SPOCK3: variants seen among roughly 807,000 people sequenced by gnomAD.
SPOCK3 encodes the protein SPARC (osteonectin), cwcv and kazal like domains proteoglycan 3.
A neutral mutation model predicts 56.6 loss-of-function variants in SPOCK3; 30 were observed. The observed-to-expected ratio is 0.53, with a 90% CI of 0.40 to 0.72. The LOEUF is 0.72. Ranked by LOEUF, SPOCK3 falls within the 30% of genes least tolerant of loss-of-function variation. SPOCK3 has a pLI of 0.00. For synonymous variants in SPOCK3, 196 were observed against 183.3 expected, an observed-to-expected ratio of 1.07 and a Z score of -0.56; for missense variants, 527 against 530.0, an observed-to-expected ratio of 0.99 and a Z score of 0.06.
chr4:166,867,255 A>G (rs1015130178), intron 6 of SPOCK3, among the ~76,000 whole-genome samples: 1 of 152,042 alleles, frequency 6.6e-6, no homozygotes, highest in Non-Finnish European at 1.5e-5. Flanking sequence ...AATAATAACT[A>G]TAAAGATAAT....
At chr4:167,187,276 T>G (rs1305907317) in intron 2 of SPOCK3, among the ~76,000 whole-genome samples, 2 of 151,806 alleles carry the variant, frequency 1.3e-5, no homozygotes, top group African/African-American at 2.4e-5. Flanking sequence ...TCCAGTTTTT[T>G]TTTTTTTTTC....
chr4:166,809,705 T>A (rs969417778), intron 6 of SPOCK3, among the ~76,000 whole-genome samples: 2 of 152,020 alleles, frequency 1.3e-5, no homozygotes, highest in Non-Finnish European at 2.9e-5. Flanking sequence ...ACTGACATAA[T>A]ATGAGATAAA....
chr4:166,950,580 A>C (rs1385866643), intron 4 of SPOCK3, among the ~76,000 whole-genome samples: 4 of 151,724 alleles, frequency 2.6e-5, no homozygotes, highest in East Asian at 3.9e-4. Context: ...CTGCACCAAG[A>C]GGACCTAATA....
In SPOCK3 at chr4:167,036,142, T is replaced by C. The variant is rs72635173; in HGVS notation, c.235+26350A>G. On this transcript the variant is annotated intron_variant, in intron 3 of 10. Transcript: ENST00000357545. ...ATCTCCCTACTCATTTAGTTACCCATTGATAGAAGGAAATATTCCTAATGA... is the reference window on the plus strand; with the variant it reads ...ATCTCCCTACTCATTTAGTTACCCACTGATAGAAGGAAATATTCCTAATGA... Among the ~76,000 whole-genome samples the C allele has an allele frequency of 4.2e-3, 643 of 152,274 alleles. 11 individuals carry two copies. The East Asian group carries it at 0.061, about 14-fold the overall frequency.
chr4:167,067,564 G>C (rs181060180), intron 2 of SPOCK3, among the ~76,000 whole-genome samples: 1 of 151,868 alleles, frequency 6.6e-6, no homozygotes, highest in East Asian at 2.0e-4. Flanking sequence ...TATGAAAAGA[G>C]TTTAGCTGAT....
intron 7 of SPOCK3, among the ~76,000 whole-genome samples, chr4:166,790,409 C>T (rs921084209): frequency 3.3e-5 from 5 of 152,006 alleles, no homozygotes; most frequent in Admixed American, 2.0e-4. Context: ...CTGAGGGAGC[C>T]GAGGGACCCA....
chr4:166,773,430 G>GTT (rs5863841), intron 7 of SPOCK3, among the ~76,000 whole-genome samples: 81 of 151,728 alleles, frequency 5.3e-4, no homozygotes, highest in Admixed American at 2.4e-3. Context: ...AAAAGTAACT[G>GTT]TTTCTTTTAA....
chr4:167,094,524 A>G (rs903255575), intron 2 of SPOCK3, among the ~76,000 whole-genome samples: 1 of 152,096 alleles, frequency 6.6e-6, no homozygotes, highest in African/African-American at 2.4e-5. Flanking sequence ...AAAATCTAAC[A>G]ATCATATCAA....
chr4:167,127,528 A>G (rs1019392657), intron 2 of SPOCK3, among the ~76,000 whole-genome samples: 11 of 152,028 alleles, frequency 7.2e-5, no homozygotes, highest in African/African-American at 2.7e-4. Context: ...CCCGGGTTCA[A>G]GCAATTCTCC....
intron 6 of SPOCK3, among the ~76,000 whole-genome samples, chr4:166,870,230 G>C (rs1732315261): frequency 6.6e-6 from 1 of 152,028 alleles, no homozygotes; most frequent in South Asian, 2.1e-4. Context: ...AGCTTAGTTG[G>C]AACCAAAGCT....
chr4:167,033,436 G>A (rs1018291709), intron 3 of SPOCK3, among the ~76,000 whole-genome samples: 2 of 149,622 alleles, frequency 1.3e-5, no homozygotes, highest in Non-Finnish European at 3.0e-5. Context: ...GGTTTGATAT[G>A]GCCAAAGTAA....
chr4:166,875,484 C>T (rs552643116), intron 6 of SPOCK3, among the ~76,000 whole-genome samples: 15 of 151,914 alleles, frequency 9.9e-5, no homozygotes, highest in Non-Finnish European at 2.1e-4. Context: ...CTATTTTATC[C>T]GGTATTAAAT....
chr4:167,114,265 C>G (rs1761151177), intron 2 of SPOCK3, among the ~76,000 whole-genome samples: 1 of 152,084 alleles, frequency 6.6e-6, no homozygotes, highest in Non-Finnish European at 1.5e-5. Flanking sequence ...AGAAGAGGGA[C>G]TCATGGACGA....
intron 3 of SPOCK3, among the ~76,000 whole-genome samples, chr4:167,057,853 C>A (rs1365649126): frequency 6.6e-6 from 1 of 152,120 alleles, no homozygotes; most frequent in African/African-American, 2.4e-5. Context: ...CTTTAACACC[C>A]CACTGTCAAC....
intron 2 of SPOCK3, among the ~76,000 whole-genome samples, chr4:167,129,378 G>A (rs1288541566): frequency 6.6e-6 from 1 of 152,110 alleles, no homozygotes; most frequent in Non-Finnish European, 1.5e-5. Context: ...AATATTACTG[G>A]CAACACACTC....
At chr4:166,743,359 C>T (rs2219236) in intron 8 of SPOCK3, among the ~76,000 whole-genome samples, 120,187 of 152,070 alleles carry the variant, frequency 0.79, 47,735 homozygotes, top group South Asian at 0.82. Context: ...TGAAATTTTA[C>T]GTAACAAAGT....
intron 2 of SPOCK3, among the ~76,000 whole-genome samples, chr4:167,123,718 G>C (rs1399888093): frequency 6.7e-6 from 1 of 150,090 alleles, no homozygotes; most frequent in Non-Finnish European, 1.5e-5. Context: ...AGAAAAGACA[G>C]CTCCAACAAG....
intron 2 of SPOCK3, among the ~76,000 whole-genome samples, chr4:167,186,354 G>A (rs968258278): frequency 8.5e-5 from 13 of 152,214 alleles, no homozygotes; most frequent in South Asian, 8.3e-4. Flanking sequence ...TAGGCCGGGC[G>A]TGGTGTTTCA....
chr4:166,801,882 G>A (rs987522159), intron 6 of SPOCK3, among the ~76,000 whole-genome samples: 3 of 152,030 alleles, frequency 2.0e-5, no homozygotes, highest in Non-Finnish European at 4.4e-5. Flanking sequence ...AATGTAGAAT[G>A]TGTAATCTAC....
Sources: gnomAD v4.1 joint callset for allele counts (sites outside exome capture counted in the v4.1 genomes callset) on GRCh38, gnomAD v4.1.1 for gene constraint, MANE v1.5 for transcripts, NCBI Gene and HGNC (gene_info 2026-07-23, HGNC 2026-07-21) for gene names.